Variants in RAB11FIP5 observed in about 807,000 individuals in gnomAD.
The protein encoded by RAB11FIP5 is RAB11 family interacting protein 5.
Under a neutral mutation model 85.1 loss-of-function variants are expected in RAB11FIP5, and 48 were observed. The observed-to-expected ratio is 0.56, with a 90% CI of 0.45 to 0.72. The LOEUF (loss-of-function observed/expected upper bound fraction) is 0.72, where lower values mean the gene tolerates loss of function less well. RAB11FIP5 is among the 30% of genes least tolerant of loss of function. The probability of loss-of-function intolerance (pLI) is 0.00; values close to 1 mark genes in which losing one functional copy is unlikely to be tolerated. For missense variants in RAB11FIP5, 1,491 were observed against 1,687.0 expected (o/e 0.88, Z 2.04); for synonymous variants, 729 against 727.3 (o/e 1.00, Z -0.04).
chr2:73,092,283 C>G (rs987940856), intron 1 of RAB11FIP5, among the ~76,000 whole-genome samples: 1 of 152,220 alleles, frequency 6.6e-6, no homozygotes, highest in Non-Finnish European at 1.5e-5. Context: ...GCACAGCCAG[C>G]CTTTGCTGGG....
rs1469791529 is a variant in RAB11FIP5 at position 73,080,732 on chromosome 2, G to C, written c.2500C>G (p.Pro834Ala). Residue 834 changes from proline to alanine, a missense_variant, in exon 4 of 6, where the codon CCT becomes GCT. By Grantham distance (27) the Pro-to-Ala change is conservative. Coordinates refer to ENST00000486777, the MANE Select transcript of RAB11FIP5 (RefSeq NM_001371272.1). Reference protein sequence around the residue: ...PDVETADDAWPWDVVTISPAA... With the variant: ...PDVETADDAWAWDVVTISPAA... The stretch of plus-strand genomic sequence containing the variant: ...GGAGAAATGGTGACCACATCCCAAG[G>C]CCAGGCATCATCAGCTGTCTCGACG... The C allele has an allele frequency of 1.1e-5, 14 of 1,232,466 alleles. No individual in the cohort carries two copies. The highest frequency in any genetic ancestry group is 1.3e-5 in the Non-Finnish European group (13 of 988,086). 76.3% of individuals were successfully genotyped at this position (1,232,466 alleles called of 1,614,324 possible). A position where few individuals can be genotyped will look rare whatever the true frequency, so the allele number is the denominator to read the frequency against.
At chr2:73,098,117 C>G (rs1338293536) in intron 1 of RAB11FIP5, among the ~76,000 whole-genome samples, 4 of 152,174 alleles carry the variant, frequency 2.6e-5, no homozygotes, top group Non-Finnish European at 5.9e-5. Flanking sequence ...AGCCCCAGCC[C>G]ACCACGTGCT....
chr2:73,102,090 G>T (rs1217301269), intron 1 of RAB11FIP5, among the ~76,000 whole-genome samples: 1 of 152,124 alleles, frequency 6.6e-6, no homozygotes, highest in Non-Finnish European at 1.5e-5. Flanking sequence ...ATTTATATTG[G>T]GCTCTGAACA....
Position 73,073,922 on chromosome 2 carries a change from C to A in RAB11FIP5, c.*1599G>T, listed in dbSNP as rs1683797686. 1 of 152,178 alleles carries A rather than the reference C, an allele frequency of 6.6e-6. No homozygotes were observed. Among genetic ancestry groups the A allele is most frequent in the Non-Finnish European group, 1.5e-5 (1 of 68,052 alleles). The allele number at this position is 152,178 out of a possible 1,614,324, so 9.4% of individuals were successfully genotyped here. On this transcript the variant is annotated 3_prime_UTR_variant, in exon 6 of 6. Transcript: ENST00000486777. Reference sequence around the variant, plus strand: ...GCCTTCCAAAAGCAAGCCCACAGGCCCTCTCCTGAAGAAGTGGTGGTCCCA... The same window carrying A: ...GCCTTCCAAAAGCAAGCCCACAGGCACTCTCCTGAAGAAGTGGTGGTCCCA...
At chr2:73,085,707 C>G (rs960244010) in intron 3 of RAB11FIP5, among the ~76,000 whole-genome samples, 71 of 152,288 alleles carry the variant, frequency 4.7e-4, no homozygotes, top group African/African-American at 1.6e-3. Context: ...CCTGTATAGC[C>G]TCATTTGTTC....
At chr2:73,103,973 G>A (rs558740244) in intron 1 of RAB11FIP5, among the ~76,000 whole-genome samples, 3 of 152,304 alleles carry the variant, frequency 2.0e-5, no homozygotes, top group South Asian at 4.1e-4. Flanking sequence ...AAGTGGCGAT[G>A]GTCCCCTCTG....
chr2:73,085,015 G>A lies in RAB11FIP5; in HGVS notation c.1568+3035C>T, dbSNP rs145411731. Among the ~76,000 whole-genome samples, 538 of 152,320 alleles carry A rather than the reference G, an allele frequency of 3.5e-3. 5 individuals carry two copies. The highest frequency in any genetic ancestry group is 5.2e-3 in the Non-Finnish European group (357 of 68,030). On this transcript the variant is annotated intron_variant, in intron 3 of 5. Coordinates refer to ENST00000486777, the MANE Select transcript of RAB11FIP5 (RefSeq NM_001371272.1). ...CTTGTAAGCTGTAAGTAGGGAGAAC[G>A]TATCATTTATCTTCCAAACCAGAAC...
Position 73,112,914 on chromosome 2 carries a change from G to C in RAB11FIP5, c.-137C>G. The C allele has an allele frequency of 1.3e-6, 1 of 793,180 alleles. No homozygotes were observed. Among genetic ancestry groups the C allele is most frequent in the Non-Finnish European group, 1.7e-6 (1 of 599,422 alleles). 49.1% of individuals were successfully genotyped at this position (793,180 alleles called of 1,614,324 possible). A position where few individuals can be genotyped will look rare whatever the true frequency, so the allele number is the denominator to read the frequency against. ...GCTGCGGGCTGGGCTGGGCCGGGCCGACCGGCCGCCGCCTCCCCGCCTCAC... is the reference window on the plus strand; with the variant it reads ...GCTGCGGGCTGGGCTGGGCCGGGCCCACCGGCCGCCGCCTCCCCGCCTCAC... On this transcript the variant is annotated 5_prime_UTR_variant, in exon 1 of 6. Coordinates refer to ENST00000486777, the MANE Select transcript of RAB11FIP5 (RefSeq NM_001371272.1).
Position 73,088,247 on chromosome 2 carries a change from T to A in RAB11FIP5, c.1371A>T (p.Glu457Asp). The A allele has an allele frequency of 6.2e-7, 1 of 1,613,888 alleles. No homozygotes were observed. The change falls in exon 3 of 6, where the codon GAA becomes GAT. Residue 457 changes from glutamate to aspartate, a missense_variant. This residue lies in a region of RAB11FIP5 where 1,211 missense variants were observed against 1,338.0 expected (regional missense o/e 0.91). Coordinates refer to ENST00000486777, the MANE Select transcript of RAB11FIP5 (RefSeq NM_001371272.1). ...VAEKEGARKE[E>D]RKPRMGLFHH... is the part of the protein sequence containing the mutation. ...GGAAGAGACCCATCCGGGGCTTGCG[T>A]TCCTCCTTCCGGGCTCCCTCCTTCT...
intron 3 of RAB11FIP5, among the ~76,000 whole-genome samples, chr2:73,082,392 TGGACA>T (rs1274369788): frequency 6.6e-6 from 1 of 152,204 alleles, no homozygotes; most frequent in Non-Finnish European, 1.5e-5. Context: ...GGTATCTGGC[TGGACA>T]AAACCAGAAC....
At chr2:73,096,201 G>A (rs1291056754) in intron 1 of RAB11FIP5, among the ~76,000 whole-genome samples, 1 of 152,218 alleles carries the variant, frequency 6.6e-6, no homozygotes, top group African/African-American at 2.4e-5. Flanking sequence ...CTGCTCACCT[G>A]TCACCAAGAT....
rs1409054829 is a variant in RAB11FIP5 at position 73,081,449 on chromosome 2, G to A, written c.1783C>T (p.Leu595Phe). Reference protein sequence around the residue: ...PEATPPGLLGLTNPFLTSLQS... With the variant: ...PEATPPGLLGFTNPFLTSLQS... ...AAAGAGGTGAGGAACGGGTTGGTAA[G>A]ACCCAATAATCCAGGTGGGGTGGCT... The change falls in exon 4 of 6, where the codon CTT becomes TTT. Residue 595 changes from leucine to phenylalanine, a missense_variant. By Grantham distance (22) the Leu-to-Phe change is conservative. This residue lies in a region of RAB11FIP5 where 1,211 missense variants were observed against 1,338.0 expected (regional missense o/e 0.91). Coordinates refer to ENST00000486777, the MANE Select transcript of RAB11FIP5 (RefSeq NM_001371272.1). This position sits in a 1 kb window ranked among gnomAD's most constrained non-coding sequence, Gnocchi z 4.2. 3.2e-6 allele frequency: 4 copies of A among 1,233,404 alleles called. No homozygotes were observed. The highest frequency in any genetic ancestry group is 3.0e-6 in the Non-Finnish European group (3 of 988,670). The allele number at this position is 1,233,404 out of a possible 1,614,324, so 76.4% of individuals were successfully genotyped here.
chr2:73,096,428 G>C (rs938558703), intron 1 of RAB11FIP5, among the ~76,000 whole-genome samples: 1 of 152,128 alleles, frequency 6.6e-6, no homozygotes. Flanking sequence ...GGGGGCTATG[G>C]GTAGCTGCAG....
In RAB11FIP5 at chr2:73,080,890, G is replaced by C. The variant is rs879245665; in HGVS notation, c.2342C>G (p.Pro781Arg). The change falls in exon 4 of 6, where the codon CCG becomes CGG. Residue 781 changes from proline to arginine, a missense_variant. This residue lies in a region of RAB11FIP5 where 1,211 missense variants were observed against 1,338.0 expected (regional missense o/e 0.91). Coordinates refer to ENST00000486777, the MANE Select transcript of RAB11FIP5 (RefSeq NM_001371272.1). ...PAPEVEAGQS[P>R]ADSGTSLFSS... ...AAATAGAGATGTCCCACTGTCTGCCGGACTCTGCCCTGCTTCCACTTCCGG... is the reference window on the plus strand; with the variant it reads ...AAATAGAGATGTCCCACTGTCTGCCCGACTCTGCCCTGCTTCCACTTCCGG... The C allele has an allele frequency of 4.1e-6, 5 of 1,232,392 alleles. No homozygotes were observed. In the Admixed American group the frequency reaches 1.7e-4, roughly 42 times the overall value. 76.3% of individuals were successfully genotyped at this position (1,232,392 alleles called of 1,614,324 possible). A position where few individuals can be genotyped will look rare whatever the true frequency, so the allele number is the denominator to read the frequency against.
At chr2:73,091,149 T>C (rs1195700794) in intron 1 of RAB11FIP5, among the ~76,000 whole-genome samples, 2 of 152,176 alleles carry the variant, frequency 1.3e-5, no homozygotes, top group Non-Finnish European at 1.5e-5. Context: ...CTGAAGAACA[T>C]GAATGCTAGA....
In RAB11FIP5 at chr2:73,080,346, G is replaced by T. The variant is rs1683949008; in HGVS notation, c.2886C>A (p.Asp962Glu). 8.1e-7 allele frequency: 1 copy of T among 1,232,806 alleles called. No individual in the cohort carries two copies. Among genetic ancestry groups the T allele is most frequent in the Non-Finnish European group, 1.0e-6 (1 of 988,398 alleles). 76.4% of individuals were successfully genotyped at this position (1,232,806 alleles called of 1,614,324 possible). A position where few individuals can be genotyped will look rare whatever the true frequency, so the allele number is the denominator to read the frequency against. The change falls in exon 4 of 6, where the codon GAC (aspartate) becomes GAA (glutamate). Residue 962 changes from aspartate (D) to glutamate (E), a missense_variant. Coordinates refer to ENST00000486777, the MANE Select transcript of RAB11FIP5 (RefSeq NM_001371272.1). The stretch of plus-strand genomic sequence containing the variant: ...CCAGCAGGGTTGCAGAGGAGCAGCT[G>T]TCAGACTCCTCCGACTCACGCTTCT... ...EGEKRESEES[D>E]SCSSATLLGQ...
chr2:73,083,568 T>C (rs1231655040), intron 3 of RAB11FIP5, among the ~76,000 whole-genome samples: 2 of 152,200 alleles, frequency 1.3e-5, no homozygotes, highest in Non-Finnish European at 2.9e-5. Context: ...CCACCTGGGC[T>C]TCCACTACTA....
Position 73,090,222 on chromosome 2 carries a change from C to T in RAB11FIP5, c.432-907G>A, listed in dbSNP as rs576754639. Among the ~76,000 whole-genome samples the T allele has an allele frequency of 3.9e-5, 6 of 152,266 alleles. No individual in the cohort carries two copies. The South Asian group carries it at 8.3e-4, about 21-fold the overall frequency. On this transcript the variant is annotated intron_variant, in intron 1 of 5. Coordinates refer to ENST00000486777, the MANE Select transcript of RAB11FIP5 (RefSeq NM_001371272.1). ...AGCCCTCCAAAGCTTAAGTTCTTCC[C>T]GGTGCACACCCACTGTGCCCAGAGA...
At position 73,078,025 on chromosome 2, in the gene RAB11FIP5, T is replaced by G. The variant is rs141753274; in HGVS notation, c.3581+1626A>C. 6.6e-6 allele frequency among the ~76,000 whole-genome samples: 1 copy of G among 152,328 alleles called. No individual in the cohort carries two copies. The highest frequency in any genetic ancestry group is 1.9e-4 in the East Asian group (1 of 5,188). On this transcript the variant is annotated intron_variant, in intron 4 of 5. Transcript: ENST00000486777. This position sits in a 1 kb window ranked among gnomAD's most constrained non-coding sequence, Gnocchi z 4.4. ...ATCGGGAAGAGTGGCAGAGCACCCA[T>G]GCTCTGGGCAGACAGTATGGAGAAA...
Sources: gnomAD v4.1 joint callset for allele counts (sites outside exome capture counted in the v4.1 genomes callset) on GRCh38, gnomAD v4.1.1 for gene constraint, gnomAD v4.1.1 regional missense constraint, Gnocchi (gnomAD v3.1) non-coding constraint, MANE v1.5 for transcripts, NCBI Gene and HGNC (gene_info 2026-07-23, HGNC 2026-07-21) for gene names.